The following HDAC1 variants were observed in gnomAD, a reference collection of about 807,000 sequenced individuals.
The protein encoded by HDAC1 is protein deacetylase HDAC1.
A neutral mutation model predicts 65.5 loss-of-function variants in HDAC1; 18 were observed. That is an observed-to-expected ratio of 0.27 (90% CI 0.19 to 0.41). HDAC1 has a LOEUF of 0.41. Among genes scored for constraint, HDAC1 ranks in the 10% least tolerant of loss-of-function variants. The probability of loss-of-function intolerance (pLI) is 1.00; values close to 1 mark genes in which losing one functional copy is unlikely to be tolerated. For missense variants in HDAC1, 373 were observed against 625.2 expected, an observed-to-expected ratio of 0.60 and a Z score of 4.30; for synonymous variants, 211 against 227.9, an observed-to-expected ratio of 0.93 and a Z score of 0.67.
intron 3 of HDAC1, among the ~76,000 whole-genome samples, chr1:32,323,460 C>T (rs958362022): frequency 2.0e-5 from 3 of 151,998 alleles, no homozygotes; most frequent in African/African-American, 4.8e-5. Flanking sequence ...TGCAGTTGCG[C>T]GATCTCAGCT....
chr1:32,318,063 G>A (rs889125719), intron 3 of HDAC1, among the ~76,000 whole-genome samples: 1 of 152,234 alleles, frequency 6.6e-6, no homozygotes, highest in East Asian at 1.9e-4. Context: ...GGCTTCAAGC[G>A]ATTATCCTGC....
At chr1:32,305,925 T>C (rs951210168) in intron 2 of HDAC1, among the ~76,000 whole-genome samples, 1 of 152,146 alleles carries the variant, frequency 6.6e-6, no homozygotes, top group African/African-American at 2.4e-5. Context: ...CTTTTATATA[T>C]TAAATGTCCA....
At chr1:32,319,802 A>G (rs1324783070) in intron 3 of HDAC1, among the ~76,000 whole-genome samples, 1 of 152,024 alleles carries the variant, frequency 6.6e-6, no homozygotes. Context: ...GATTCTGGCT[A>G]CTCAGGAGCC....
rs1176834184 is a variant in HDAC1, at chr1:32,313,125, T to C, written c.163-3540T>C. ...TTATTTATTTATTTGAGATGGAGTC[T>C]CGCTTTGTTGCCCAGGCTGGAACGC... On this transcript the variant is annotated intron_variant, in intron 2 of 13. Transcript: ENST00000373548. 3.9e-5 allele frequency among the ~76,000 whole-genome samples: 6 copies of C among 151,936 alleles called. No homozygotes were observed. The East Asian group carries it at 1.2e-3, about 29-fold the overall frequency.
chr1:32,326,834 C>A, intron 4 of HDAC1, 105 bp from the exon 5 acceptor site: 1 of 1,153,722 alleles, frequency 8.7e-7, no homozygotes, highest in Non-Finnish European at 1.3e-6. Flanking sequence ...CACAATACAG[C>A]TGTTGAATAG....
chr1:32,325,660 A>G (rs937299785), intron 4 of HDAC1, among the ~76,000 whole-genome samples: 5 of 152,134 alleles, frequency 3.3e-5, no homozygotes, highest in African/African-American at 1.2e-4. Flanking sequence ...CATGTTGTGG[A>G]TTTACTTGAG....
At chr1:32,297,709 C>G (rs1432566886) in intron 1 of HDAC1, among the ~76,000 whole-genome samples, 1 of 150,130 alleles carries the variant, frequency 6.7e-6, no homozygotes, top group Non-Finnish European at 1.5e-5. Flanking sequence ...CTCCAGGGTT[C>G]ATGCCATTCT....
At chr1:32,317,539 G>T (rs534519291) in intron 3 of HDAC1, among the ~76,000 whole-genome samples, 1 of 152,008 alleles carries the variant, frequency 6.6e-6, no homozygotes, top group African/African-American at 2.4e-5. Flanking sequence ...GAAAATATGC[G>T]GCACTTGTTT....
intron 2 of HDAC1, among the ~76,000 whole-genome samples, chr1:32,309,639 G>A (rs1177667003): frequency 6.8e-5 from 10 of 148,016 alleles, no homozygotes; most frequent in African/African-American, 2.5e-4. Context: ...GTGAGCTGAG[G>A]TCGTGCCACT....
chr1:32,310,958 AAAAG>A (rs745605818), intron 2 of HDAC1, among the ~76,000 whole-genome samples: 44 of 152,242 alleles, frequency 2.9e-4, no homozygotes, highest in African/African-American at 6.7e-4. Context: ...AAAAGAAAAA[AAAAG>A]AAAGAGAGAC....
chr1:32,308,267 C>T (rs924688340), intron 2 of HDAC1, among the ~76,000 whole-genome samples: 8 of 152,058 alleles, frequency 5.3e-5, no homozygotes, highest in Non-Finnish European at 7.4e-5. Context: ...TGCAGTGAGC[C>T]GAGATCGTGC....
In HDAC1 at chr1:32,331,865, C is replaced by A; in HGVS notation, c.1219+59C>A. 6.5e-7 allele frequency: 1 copy of A among 1,543,758 alleles called. No individual in the cohort carries two copies. The highest frequency in any genetic ancestry group is 1.2e-5 in the South Asian group (1 of 82,086). On this transcript the variant is annotated intron_variant, in intron 11 of 13. Coordinates refer to ENST00000373548, the MANE Select transcript of HDAC1 (RefSeq NM_004964.3). This position sits in a 1 kb window ranked among gnomAD's most constrained non-coding sequence, Gnocchi z 4.2. Reference sequence around the variant, plus strand: ...TTCAATAGGCAGCTCACACTTCCACCACCATTCCTGGCTGCACACTCCCTC... The same window carrying A: ...TTCAATAGGCAGCTCACACTTCCACAACCATTCCTGGCTGCACACTCCCTC...
At chr1:32,294,818 C>CTTT (rs76948947) in intron 1 of HDAC1, among the ~76,000 whole-genome samples, 2 of 139,138 alleles carry the variant, frequency 1.4e-5, no homozygotes, top group African/African-American at 5.2e-5. Flanking sequence ...CCGGCCCCAA[C>CTTT]TTTTTTTTTT....
Position 32,292,219 on chromosome 1 carries a change from G to T in HDAC1, c.49+1G>T. The stretch of plus-strand genomic sequence containing the variant: ...AGGAAAGTCTGTTACTACTACGACG[G>T]TGAGCACCGTCCTCGCGGCGGGGGC... On this transcript the variant is annotated splice_donor_variant, in intron 1 of 13. Coordinates refer to ENST00000373548, the MANE Select transcript of HDAC1 (RefSeq NM_004964.3). LOFTEE classifies it high-confidence loss of function. 1 of 1,548,836 alleles carries T rather than the reference G, an allele frequency of 6.5e-7. No individual in the cohort carries two copies. The highest frequency in any genetic ancestry group is 8.7e-7 in the Non-Finnish European group (1 of 1,146,386).
chr1:32,292,561 T>C, intron 1 of HDAC1: 2 of 467,866 alleles, frequency 4.3e-6, no homozygotes, highest in Non-Finnish European at 5.6e-6. Context: ...GGATACATTT[T>C]CTTGCCGAGA....
chr1:32,307,411 G>A (rs571568937), intron 2 of HDAC1, among the ~76,000 whole-genome samples: 33 of 152,160 alleles, frequency 2.2e-4, no homozygotes, highest in Admixed American at 1.7e-3. Flanking sequence ...ATCACTACTC[G>A]TGGACTTTGG....
Position 32,330,781 on chromosome 1 carries a change from T to C in HDAC1, c.852T>C (p.Cys284=). The change falls in exon 9 of 14, where the codon TGT becomes TGC. Residue 284 remains cysteine, a synonymous_variant. Coordinates refer to ENST00000373548, the MANE Select transcript of HDAC1 (RefSeq NM_004964.3). The surrounding 1 kb of genome is among the most constrained non-coding windows in gnomAD (Gnocchi z 4.2). The part of the protein sequence containing the change: ...FNLTIKGHAK[C]VEFVKSFNLP... ...CTCCCACCAAAGGACACGCCAAGTG[T>C]GTGGAATTTGTCAAGAGCTTTAACC... is the stretch of plus-strand genomic sequence containing the variant. 3.7e-6 allele frequency: 6 copies of C among 1,614,072 alleles called. No homozygotes were observed. Among genetic ancestry groups the C allele is most frequent in the Non-Finnish European group, 5.1e-6 (6 of 1,180,000 alleles).
chr1:32,314,453 G>A (rs1194742121), intron 2 of HDAC1, among the ~76,000 whole-genome samples: 5 of 151,784 alleles, frequency 3.3e-5, no homozygotes, highest in Non-Finnish European at 5.9e-5. Flanking sequence ...TCAGCCTCCC[G>A]AAGTACTGGG....
chr1:32,301,476 TC>T, intron 1 of HDAC1, among the ~76,000 whole-genome samples: 1 of 135,452 alleles, frequency 7.4e-6, no homozygotes, highest in Non-Finnish European at 1.6e-5. Context: ...TAAAAGAAAG[TC>T]CTTGAATGCT....
Sources: gnomAD v4.1 joint callset for allele counts (sites outside exome capture counted in the v4.1 genomes callset) on GRCh38, gnomAD v4.1.1 for gene constraint, Gnocchi (gnomAD v3.1) non-coding constraint, MANE v1.5 for transcripts, NCBI Gene and HGNC (gene_info 2026-07-23, HGNC 2026-07-21) for gene names.